The following EBF3 variants were observed in gnomAD, a reference collection of about 807,000 sequenced individuals.
EBF3 encodes the protein EBF transcription factor 3.
In EBF3, 18 loss-of-function variants were observed where a neutral mutation model predicts 77.1. The ratio of observed to expected loss-of-function variants is 0.23; its 90% CI spans 0.16 to 0.35. The LOEUF (loss-of-function observed/expected upper bound fraction) is 0.35. EBF3 is among the 10% of genes least tolerant of loss of function. The probability of loss-of-function intolerance (pLI) is 1.00; values close to 1 mark genes in which losing one functional copy is unlikely to be tolerated. For synonymous variants in EBF3, 350 were observed against 343.5 expected (o/e 1.02, Z -0.21); for missense variants, 558 against 860.0 (o/e 0.65, Z 4.39).
At chr10:129,925,414 A>G (rs141052920) in intron 6 of EBF3, among the ~76,000 whole-genome samples, 1 of 151,556 alleles carries the variant, frequency 6.6e-6, no homozygotes, top group East Asian at 2.0e-4. Flanking sequence ...ACATAGTGAG[A>G]CCCCCGTTTC....
chr10:129,921,016 G>GAAGAAGCTGCCTTGTGATC (rs1301532244), intron 6 of EBF3, among the ~76,000 whole-genome samples: 1 of 152,330 alleles, frequency 6.6e-6, no homozygotes, highest in East Asian at 1.9e-4. Context: ...GGGTAGCCTG[G>GAAGAAGCTGCCTTGTGATC]AAGAAGCTGC....
chr10:129,911,598 T>C (rs1438856040), intron 6 of EBF3, among the ~76,000 whole-genome samples: 2 of 152,104 alleles, frequency 1.3e-5, no homozygotes, highest in Admixed American at 1.3e-4. Context: ...TCCAGCCTCC[T>C]TGGTGGGCAC....
intron 6 of EBF3, among the ~76,000 whole-genome samples, chr10:129,924,113 C>A (rs903035140): frequency 2.0e-5 from 3 of 152,268 alleles, no homozygotes; most frequent in Admixed American, 2.0e-4. Flanking sequence ...AGGATGGCTG[C>A]TATCAGAAAA....
chr10:129,844,484 C>T (rs1047773424), intron 11 of EBF3, among the ~76,000 whole-genome samples: 1 of 151,982 alleles, frequency 6.6e-6, no homozygotes, highest in Non-Finnish European at 1.5e-5. Flanking sequence ...GAAGCAGGCC[C>T]GTAATGACTC....
At chr10:129,916,739 C>G (rs1855908265) in intron 6 of EBF3, among the ~76,000 whole-genome samples, 1 of 152,188 alleles carries the variant, frequency 6.6e-6, no homozygotes, top group Non-Finnish European at 1.5e-5. Flanking sequence ...TCGCTGAGGC[C>G]ATTCCCTGAC....
At chr10:129,840,578 T>C (rs897103969) in intron 14 of EBF3, 136 bp from the exon 15 acceptor site, 29 of 1,063,106 alleles carry the variant, frequency 2.7e-5, no homozygotes, top group Non-Finnish European at 3.8e-5. Flanking sequence ...TCGGCCACGC[T>C]CTGGATAACA....
rs1266298473 is a variant in EBF3, at chr10:129,863,830, A to G, written c.1039+3311T>C. On this transcript the variant is annotated intron_variant, in intron 10 of 16. Transcript: ENST00000440978. This position sits in a 1 kb window ranked among gnomAD's most constrained non-coding sequence, Gnocchi z 4.0. ...CTGCTCCCCAGCCTGTAGAGCCTGT[A>G]TCCCTTACATCACCTTTGAAATGGA... 6.6e-6 allele frequency among the ~76,000 whole-genome samples: 1 copy of G among 152,148 alleles called. No individual in the cohort carries two copies. The highest frequency in any genetic ancestry group is 1.5e-5 in the Non-Finnish European group (1 of 68,020).
chr10:129,961,590 G>C (rs549546027), intron 4 of EBF3, among the ~76,000 whole-genome samples: 1 of 152,188 alleles, frequency 6.6e-6, no homozygotes, highest in Admixed American at 6.5e-5. Context: ...AGCAGTGGAC[G>C]GGTTGGAGTG....
chr10:129,889,946 CTTTTTTTTTTTTT>C (rs10665456), intron 6 of EBF3, among the ~76,000 whole-genome samples: 16 of 82,892 alleles, frequency 1.9e-4, no homozygotes, highest in South Asian at 1.0e-3. Flanking sequence ...ATTGAAGTGC[CTTTTTTTTTTTTT>C]TTTTTTTTTT....
chr10:129,845,185 G>A (rs1023573432), intron 11 of EBF3: 4 of 152,158 alleles, frequency 2.6e-5, no homozygotes, highest in African/African-American at 7.2e-5. Context: ...GACACAAAAC[G>A]GGTAACCCAA....
chr10:129,846,516 T>C (rs1444580959), intron 11 of EBF3, among the ~76,000 whole-genome samples: 1 of 151,740 alleles, frequency 6.6e-6, no homozygotes, highest in Non-Finnish European at 1.5e-5. Context: ...GTCTCTCTGC[T>C]TGTGACACTT....
rs1859729805 is a variant in EBF3, at chr10:129,963,806, G to A, written c.-38C>T. ...CGGCGGCCGCAGCTCCCGGCCGAAAGCGTTTCCTCGAGCAGCGGCGCTCGG... is the reference window on the plus strand; with the variant it reads ...CGGCGGCCGCAGCTCCCGGCCGAAAACGTTTCCTCGAGCAGCGGCGCTCGG... On this transcript the variant is annotated 5_prime_UTR_variant, in exon 1 of 17. Transcript: ENST00000440978. This position sits in a 1 kb window ranked among gnomAD's most constrained non-coding sequence, Gnocchi z 7.1. 1 of 1,485,782 alleles carries A rather than the reference G, an allele frequency of 6.7e-7. No homozygotes were observed. The highest frequency in any genetic ancestry group is 9.0e-7 in the Non-Finnish European group (1 of 1,106,372). 92.0% of individuals were successfully genotyped at this position (1,485,782 alleles called of 1,614,324 possible). A position where few individuals can be genotyped will look rare whatever the true frequency, so the allele number is the denominator to read the frequency against.
rs1189312913 is a variant in EBF3, at chr10:129,879,945, C to CT, written c.555-2097_555-2096insA. Among the ~76,000 whole-genome samples, 1 of 152,148 alleles carries CT rather than the reference C, an allele frequency of 6.6e-6. No individual in the cohort carries two copies. Among genetic ancestry groups the CT allele is most frequent in the Non-Finnish European group, 1.5e-5 (1 of 68,030 alleles). On this transcript the variant is annotated intron_variant, in intron 6 of 16. Transcript: ENST00000440978. This position sits in a 1 kb window ranked among gnomAD's most constrained non-coding sequence, Gnocchi z 4.7. The stretch of plus-strand genomic sequence containing the variant: ...GCTAATCTTCGGAGCAGGCGCCGGC[C>CT]CGAGAAGCTGCTCATCTGCAAATGT...
In EBF3 at chr10:129,835,445, T is replaced by C. The variant is rs1849564135; in HGVS notation, c.*2498A>G. 1 of 152,224 alleles carries C rather than the reference T, an allele frequency of 6.6e-6. No individual in the cohort carries two copies. The highest frequency in any genetic ancestry group is 6.5e-5 in the Admixed American group (1 of 15,284). The allele number at this position is 152,224 out of a possible 1,614,324, so 9.4% of individuals were successfully genotyped here. On this transcript the variant is annotated 3_prime_UTR_variant, in exon 17 of 17. Transcript: ENST00000440978. The stretch of plus-strand genomic sequence containing the variant: ...AGTGCTCAGTCTTGAGACAGTGAAG[T>C]GATGTGGGCATTGACTACTTAACCT...
chr10:129,879,874 T>C lies in EBF3; in HGVS notation c.555-2025A>G, dbSNP rs1209438598. Among the ~76,000 whole-genome samples the C allele has an allele frequency of 6.6e-6, 1 of 152,172 alleles. No individual in the cohort carries two copies. Among genetic ancestry groups the C allele is most frequent in the Admixed American group, 6.5e-5 (1 of 15,286 alleles). ...TCCTGTCAGGCAATTAGGTTTTCAC[T>C]TCGGGGACAGCAACACGGTGCAATT... On this transcript the variant is annotated intron_variant, in intron 6 of 16. Transcript: ENST00000440978. The surrounding 1 kb of genome is among the most constrained non-coding windows in gnomAD (Gnocchi z 4.7).
intron 6 of EBF3, among the ~76,000 whole-genome samples, chr10:129,907,592 C>T (rs1855235402): frequency 6.6e-6 from 1 of 152,018 alleles, no homozygotes; most frequent in South Asian, 2.1e-4. Context: ...GCCGCAGCAC[C>T]AAGATGCCTC....
chr10:129,904,569 CGGATGGAT>C (rs1009670556), intron 6 of EBF3, among the ~76,000 whole-genome samples: 1 of 149,110 alleles, frequency 6.7e-6, no homozygotes, highest in African/African-American at 2.5e-5. Flanking sequence ...GATGGATGAA[CGGATGGAT>C]GGATGGATGG....
intron 5 of EBF3, 60 bp from the exon 6 acceptor site, chr10:129,957,386 G>GTGT: frequency 1.3e-5 from 15 of 1,196,372 alleles, no homozygotes; most frequent in Admixed American, 2.7e-5. Flanking sequence ...TGCCCGACTT[G>GTGT]TATTTTTTTT....
At chr10:129,869,371 T>A (rs555004346) in intron 8 of EBF3, among the ~76,000 whole-genome samples, 3 of 152,188 alleles carry the variant, frequency 2.0e-5, no homozygotes, top group Non-Finnish European at 2.9e-5. Context: ...AAACAATTAG[T>A]GGCTTAACCA....
Sources: gnomAD v4.1 joint callset for allele counts (sites outside exome capture counted in the v4.1 genomes callset) on GRCh38, gnomAD v4.1.1 for gene constraint, Gnocchi (gnomAD v3.1) non-coding constraint, MANE v1.5 for transcripts, NCBI Gene and HGNC (gene_info 2026-07-23, HGNC 2026-07-21) for gene names.